PER2: variants seen among roughly 807,000 people sequenced by gnomAD.
PER2 encodes period circadian protein homolog 2.
A neutral mutation model predicts 121.0 loss-of-function variants in PER2; 66 were observed. The observed-to-expected ratio is 0.55, with a 90% confidence interval of 0.45 to 0.67. The LOEUF (loss-of-function observed/expected upper bound fraction) is 0.67. PER2 is among the 30% of genes least tolerant of loss of function. The probability of loss-of-function intolerance (pLI) is 0.00; values close to 1 mark genes in which losing one functional copy is unlikely to be tolerated. For synonymous variants in PER2, 684 were observed against 659.9 expected, an observed-to-expected ratio of 1.04 and a Z score of -0.56; for missense variants, 1,521 against 1,635.0, an observed-to-expected ratio of 0.93 and a Z score of 1.20.
intron 3 of PER2, among the ~76,000 whole-genome samples, chr2:238,276,538 C>T (rs1469908019): frequency 1.3e-5 from 2 of 152,194 alleles, no homozygotes; most frequent in Non-Finnish European, 2.9e-5. Flanking sequence ...GATGGGATTA[C>T]AGAGGACAGC....
intron 8 of PER2, 84 bp from the exon 9 acceptor site, chr2:238,265,674 G>A (rs572416892): frequency 2.3e-5 from 20 of 869,462 alleles, no homozygotes; most frequent in Admixed American, 5.2e-5. Flanking sequence ...AAAACACCCT[G>A]TAGATTCAGA....
In PER2 at chr2:238,245,393, A is replaced by G. The variant is rs1574835365; in HGVS notation, c.*982T>C. ...GAGGTGAGCTCACTGCACCCCTGAA[A>G]ATACAGATGCAGTCGCAAGCTGTCA... On this transcript the variant is annotated 3_prime_UTR_variant, in exon 23 of 23. Coordinates refer to ENST00000254657, the MANE Select transcript of PER2 (RefSeq NM_022817.3). 7.6e-6 allele frequency: 3 copies of G among 393,860 alleles called. No homozygotes were observed. In the East Asian group the frequency reaches 1.1e-4, roughly 14 times the overall value. 24.4% of individuals were successfully genotyped at this position (393,860 alleles called of 1,614,324 possible).
chr2:238,273,119 G>T lies in PER2; in HGVS notation c.521C>A (p.Thr174Asn). Residue 174 changes from threonine to asparagine, a missense_variant, in exon 5 of 23, where the codon ACC (threonine) becomes AAC (asparagine). Transcript: ENST00000254657. Reference sequence around the variant, plus strand: ...GGTAACGCTCTCCATCTCCTCCACGGTGTAGGAGGGCACGTCTGCTCCACA... The same window carrying T: ...GGTAACGCTCTCCATCTCCTCCACGTTGTAGGAGGGCACGTCTGCTCCACA... ...HPCGADVPSY[T>N]VEEMESVTSE... 6.2e-7 allele frequency: 1 copy of T among 1,611,454 alleles called. No homozygotes were observed. Among genetic ancestry groups the T allele is most frequent in the Non-Finnish European group, 8.5e-7 (1 of 1,177,532 alleles).
chr2:238,271,424 A>G lies in PER2; in HGVS notation c.660T>C (p.Asp220=), dbSNP rs547339660. ...QVASIFHCKR[D]AFSDAKFVEF... is the part of the protein sequence containing the mutation. Reference sequence around the variant, plus strand: ...CCACAAACTTGGCATCGCTGAAGGCATCTCTTTTACAGTGAAATATGGATG... The same window carrying G: ...CCACAAACTTGGCATCGCTGAAGGCGTCTCTTTTACAGTGAAATATGGATG... The change falls in exon 6 of 23, where the codon GAT becomes GAC. Residue 220 remains aspartate (D), a synonymous_variant. Coordinates refer to ENST00000254657, the MANE Select transcript of PER2 (RefSeq NM_022817.3). The G allele has an allele frequency of 4.3e-6, 7 of 1,613,954 alleles. No homozygotes were observed. The highest frequency in any genetic ancestry group is 1.1e-5 in the South Asian group (1 of 91,092).
At position 238,253,493 on chromosome 2, in the gene PER2, C is replaced by T. The variant is rs138292908; in HGVS notation, c.2530G>A (p.Val844Met). 2.5e-5 allele frequency: 41 copies of T among 1,612,204 alleles called. No homozygotes were observed. The highest frequency in any genetic ancestry group is 1.7e-4 in the Middle Eastern group (1 of 5,980). Residue 844 changes from valine (V) to methionine (M), a missense_variant, in exon 19 of 23, where the codon GTG becomes ATG. Coordinates refer to ENST00000254657, the MANE Select transcript of PER2 (RefSeq NM_022817.3). The surrounding 1 kb of genome is among the most constrained non-coding windows in gnomAD (Gnocchi z 5.6). ...SDTSQSSCPA[V>M]PFPAPVPAAY... is the part of the protein sequence containing the mutation. The stretch of plus-strand genomic sequence containing the variant: ...GCTGGCACTGGGGCGGGAAAGGGCA[C>T]GGCTGGGCAGCTGGACTGGGACGTG...
chr2:238,280,250 C>A (rs1212370468), intron 1 of PER2, among the ~76,000 whole-genome samples: 1 of 152,330 alleles, frequency 6.6e-6, no homozygotes, highest in South Asian at 2.1e-4. Flanking sequence ...TTCCCCAGGT[C>A]GAGCCCATTC....
chr2:238,256,445 TAATATTCTA>T (rs1695762362), intron 17 of PER2, among the ~76,000 whole-genome samples: 1 of 152,222 alleles, frequency 6.6e-6, no homozygotes, highest in African/African-American at 2.4e-5. Flanking sequence ...ATTTTAATCA[TAATATTCTA>T]AAGAACAAGA....
intron 3 of PER2, among the ~76,000 whole-genome samples, chr2:238,276,657 G>A (rs1696464257): frequency 6.6e-6 from 1 of 152,214 alleles, no homozygotes; most frequent in African/African-American, 2.4e-5. Flanking sequence ...AGAGAGACAG[G>A]ACAGCGGGGC....
chr2:238,257,186 G>T, intron 16 of PER2, 100 bp from the exon 17 acceptor site: 1 of 1,073,940 alleles, frequency 9.3e-7, no homozygotes, highest in Non-Finnish European at 1.4e-6. Context: ...TCCACACCAG[G>T]GTGCACACAA....
chr2:238,276,209 T>TG (rs770358833), intron 3 of PER2, among the ~76,000 whole-genome samples: 7 of 152,226 alleles, frequency 4.6e-5, no homozygotes, highest in Non-Finnish European at 8.8e-5. Flanking sequence ...TGGCCCTTGG[T>TG]GGGGCTCTGT....
intron 17 of PER2, among the ~76,000 whole-genome samples, chr2:238,256,158 C>T (rs534156483): frequency 1.4e-4 from 22 of 152,332 alleles, no homozygotes; most frequent in African/African-American, 1.4e-4. Context: ...CAAACGGAAA[C>T]GTGGGGAACC....
chr2:238,269,121 A>C (rs1007733882), intron 6 of PER2, 147 bp from the exon 7 acceptor site: 2 of 690,998 alleles, frequency 2.9e-6, no homozygotes, highest in East Asian at 5.4e-5. Flanking sequence ...TAAATCCTTT[A>C]TGTGAGAAAC....
At position 238,252,147 on chromosome 2, in the gene PER2, G is replaced by A. The variant is rs1042205642; in HGVS notation, c.3112-386C>T. Among the ~76,000 whole-genome samples, 6 of 152,152 alleles carry A rather than the reference G, an allele frequency of 3.9e-5. No homozygotes were observed. The highest frequency in any genetic ancestry group is 1.2e-4 in the African/African-American group (5 of 41,430). ...TGGGGGCTGCCTTGGGATTGAGGGC[G>A]GGGCCTGGCCTGGGGAGCATCCCTG... On this transcript the variant is annotated intron_variant, in intron 19 of 22. Transcript: ENST00000254657. This position sits in a 1 kb window ranked among gnomAD's most constrained non-coding sequence, Gnocchi z 4.2.
rs747799942 is a variant in PER2, at chr2:238,261,762, C to T, written c.1383G>A (p.Glu461=). ...EEKALHPSIQ[E]LTEQIHRLLL... ...GGAGCCGGTGGATCTGCTCTGTGAG[C>T]TCCTGAATGCTGGGGTGCAGGGCCT... Residue 461 remains glutamate (E), a synonymous_variant, in exon 12 of 23, where the codon GAG becomes GAA. Transcript: ENST00000254657. 116 of 1,571,434 alleles carry T rather than the reference C, an allele frequency of 7.4e-5. No homozygotes were observed. The highest frequency in any genetic ancestry group is 3.3e-4 in the Middle Eastern group (2 of 6,030).
Position 238,271,382 on chromosome 2 carries a change from G to A in PER2, c.702C>T (p.His234=), listed in dbSNP as rs767318668. The A allele has an allele frequency of 1.8e-5, 29 of 1,614,038 alleles. No individual in the cohort carries two copies. Among genetic ancestry groups the A allele is most frequent in the African/African-American group, 1.6e-4 (12 of 74,948 alleles). The change falls in exon 6 of 23, where the codon CAC becomes CAT. Residue 234 remains histidine (H), a synonymous_variant. Coordinates refer to ENST00000254657, the MANE Select transcript of PER2 (RefSeq NM_022817.3). ...DAKFVEFLAP[H]DVGVFHSFTS... is the part of the protein sequence containing the mutation. ...TGAAACTGTGGAACACGCCCACATC[G>A]TGAGGCGCCAGGAACTCCACAAACT...
At chr2:238,285,922 T>C (rs1696768606) in intron 1 of PER2, among the ~76,000 whole-genome samples, 1 of 152,206 alleles carries the variant, frequency 6.6e-6, no homozygotes, top group African/African-American at 2.4e-5. Flanking sequence ...GCCAGCCTGC[T>C]GTAATCCTGA....
Position 238,261,801 on chromosome 2 carries a change from G to A in PER2, c.1344C>T (p.Pro448=), listed in dbSNP as rs1357192718. 6.3e-7 allele frequency: 1 copy of A among 1,575,346 alleles called. No homozygotes were observed. The highest frequency in any genetic ancestry group is 1.2e-5 in the South Asian group (1 of 86,042). ...PLNEDVFAAH[P]CTEEKALHPS... is the part of the protein sequence containing the mutation. ...GGTGCAGGGCCTTCTCCTCTGTGCAGGGGTGGGCTGCAAACACGTCCTCAT... is the reference window on the plus strand; with the variant it reads ...GGTGCAGGGCCTTCTCCTCTGTGCAAGGGTGGGCTGCAAACACGTCCTCAT... Residue 448 remains proline, a synonymous_variant, in exon 12 of 23, where the codon CCC becomes CCT. Coordinates refer to ENST00000254657, the MANE Select transcript of PER2 (RefSeq NM_022817.3).
At position 238,268,066 on chromosome 2, in the gene PER2, A is replaced by G. The variant is rs1384815902; in HGVS notation, c.957T>C (p.Ser319=). 6.2e-7 allele frequency: 1 copy of G among 1,614,014 alleles called. No individual in the cohort carries two copies. The change falls in exon 8 of 23, where the codon TCT becomes TCC. Residue 319 remains serine, a synonymous_variant. Coordinates refer to ENST00000254657, the MANE Select transcript of PER2 (RefSeq NM_022817.3). The surrounding 1 kb of genome is among the most constrained non-coding windows in gnomAD (Gnocchi z 4.0). ...CCLLLAERVH[S]GYEAPRIPPE... ...GGGCTTGGCTGTTACCTTCATAACC[A>G]GAGTGCACTCTCTCTGCCAGCAGAA...
chr2:238,257,632 CCTGG>C (rs899264998), intron 16 of PER2, among the ~76,000 whole-genome samples: 1 of 152,222 alleles, frequency 6.6e-6, no homozygotes, highest in African/African-American at 2.4e-5. Context: ...CACCATGATG[CCTGG>C]CTAATTTTTG....
Sources: allele counts gnomAD v4.1 joint callset (sites outside exome capture counted in the v4.1 genomes callset), GRCh38; gene constraint gnomAD v4.1.1; non-coding constraint Gnocchi (gnomAD v3.1); transcripts MANE v1.5; gene names NCBI Gene and HGNC (gene_info 2026-07-23, HGNC 2026-07-21).